Variants in STIM1 observed in about 807,000 individuals in gnomAD.
STIM1 encodes stromal interaction molecule 1.
STIM1 carries 25 observed loss-of-function variants against 74.7 expected under a neutral mutation model. That is an observed-to-expected ratio of 0.33 (90% CI 0.24 to 0.47). The LOEUF is 0.47. Ranked by LOEUF, STIM1 falls within the 20% of genes least tolerant of loss-of-function variation. The pLI, the probability that STIM1 is intolerant of heterozygous loss-of-function variation, is 1.00. For synonymous variants in STIM1, 328 were observed against 348.8 expected (o/e 0.94, Z 0.66); for missense variants, 728 against 920.8 (o/e 0.79, Z 2.71).
At chr11:3,966,909 C>G (rs1051102451) in intron 1 of STIM1, among the ~76,000 whole-genome samples, 5 of 152,134 alleles carry the variant, frequency 3.3e-5, no homozygotes, top group African/African-American at 1.2e-4. Flanking sequence ...GAAACTGTAT[C>G]CCAGACCACC....
intron 2 of STIM1, 81 bp from the exon 3 acceptor site, chr11:4,023,792 T>G: frequency 1.0e-6 from 1 of 975,108 alleles, no homozygotes; most frequent in Non-Finnish European, 1.6e-6. Context: ...TATGGCTAGC[T>G]AGAGGCAGGT....
rs893387615 is a variant in STIM1, at chr11:4,043,342, A to T, written c.386-12184A>T. ...CCAGGGTATATCTTTACTACCCAAG[A>T]TGCTAACTGGACACCAGTTTCTGGG... On this transcript the variant is annotated intron_variant, in intron 3 of 12. Coordinates refer to ENST00000526596, the MANE Select transcript of STIM1 (RefSeq NM_001382567.1). 3.9e-5 allele frequency among the ~76,000 whole-genome samples: 6 copies of T among 152,328 alleles called. No homozygotes were observed. The East Asian group carries it at 1.2e-3, about 29-fold the overall frequency.
At chr11:4,008,676 G>T (rs1347488786) in intron 2 of STIM1, among the ~76,000 whole-genome samples, 2 of 152,124 alleles carry the variant, frequency 1.3e-5, no homozygotes, top group Non-Finnish European at 2.9e-5. Context: ...CCATTTCATT[G>T]CATGGCACAC....
intron 1 of STIM1, among the ~76,000 whole-genome samples, chr11:3,964,274 G>A (rs529056821): frequency 2.0e-5 from 3 of 152,322 alleles, no homozygotes; most frequent in South Asian, 2.1e-4. Context: ...ATTGGAATGC[G>A]TAAGAGAAGG....
At chr11:4,000,148 T>C (rs1365703850) in intron 2 of STIM1, among the ~76,000 whole-genome samples, 1 of 151,312 alleles carries the variant, frequency 6.6e-6, no homozygotes, top group African/African-American at 2.4e-5. Flanking sequence ...GCTCCACCTC[T>C]GGGGGCAGGG....
At chr11:3,940,459 C>T (rs1391511936) in intron 1 of STIM1, among the ~76,000 whole-genome samples, 1 of 152,094 alleles carries the variant, frequency 6.6e-6, no homozygotes, top group African/African-American at 2.4e-5. Flanking sequence ...AGGCCATTGG[C>T]AAGTTAACAT....
chr11:3,873,221 G>A (rs373214088), intron 1 of STIM1, among the ~76,000 whole-genome samples: 14 of 152,062 alleles, frequency 9.2e-5, no homozygotes, highest in East Asian at 3.9e-4. Context: ...TTCGAGAGCA[G>A]CCTGACCAAC....
At position 4,009,307 on chromosome 11, in the gene STIM1, A is replaced by G. The variant is rs544000895; in HGVS notation, c.271-14566A>G. ...AAGAGTGTCTCAAAAAAAAAAAAAA[A>G]GTTGCATTTTAAAATTAATTTGTGG... is the stretch of plus-strand genomic sequence containing the variant. On this transcript the variant is annotated intron_variant, in intron 2 of 12. Coordinates refer to ENST00000526596, the MANE Select transcript of STIM1 (RefSeq NM_001382567.1). Among the ~76,000 whole-genome samples the G allele has an allele frequency of 4.3e-3, 601 of 140,186 alleles. 2 individuals are homozygous for G. Among genetic ancestry groups the G allele is most frequent in the African/African-American group, 0.015 (571 of 37,776 alleles). The allele number at this position is 140,186 out of a possible 152,430, so 92.0% of individuals were successfully genotyped here. A position where few individuals can be genotyped will look rare whatever the true frequency, so the allele number is the denominator to read the frequency against.
At chr11:3,883,222 A>T (rs919474733) in intron 1 of STIM1, among the ~76,000 whole-genome samples, 3 of 152,064 alleles carry the variant, frequency 2.0e-5, no homozygotes, top group Non-Finnish European at 4.4e-5. Flanking sequence ...TTGAAATTAT[A>T]ATTGTTCCTC....
intron 1 of STIM1, chr11:3,892,313 G>T (rs930413438): frequency 4.8e-6 from 4 of 832,468 alleles, no homozygotes; most frequent in Non-Finnish European, 8.0e-6. Flanking sequence ...GATACTGCGA[G>T]CAAATGGGGT....
chr11:3,895,693 T>C (rs1223402826), intron 1 of STIM1, among the ~76,000 whole-genome samples: 468 of 34,796 alleles, frequency 0.013, 36 homozygotes, highest in South Asian at 0.02. Flanking sequence ...CTTCTTTCTT[T>C]CTTTCTTTCT....
chr11:3,960,188 A>G (rs2093270628), intron 1 of STIM1, among the ~76,000 whole-genome samples: 1 of 152,240 alleles, frequency 6.6e-6, no homozygotes, highest in South Asian at 2.1e-4. Context: ...TCATTAGTTG[A>G]AAGAATACTT....
intron 2 of STIM1, among the ~76,000 whole-genome samples, chr11:3,988,828 T>C (rs2093581608): frequency 6.6e-6 from 1 of 152,214 alleles, no homozygotes; most frequent in Non-Finnish European, 1.5e-5. Context: ...CTCCATATTG[T>C]CATTTAATAT....
chr11:4,008,454 A>G (rs1176400227), intron 2 of STIM1, among the ~76,000 whole-genome samples: 1 of 152,244 alleles, frequency 6.6e-6, no homozygotes, highest in South Asian at 2.1e-4. Flanking sequence ...TCACAAAAAC[A>G]TCACCAAACT....
At chr11:4,066,914 C>T (rs1480978495) in intron 5 of STIM1, among the ~76,000 whole-genome samples, 2 of 152,146 alleles carry the variant, frequency 1.3e-5, no homozygotes, top group African/African-American at 2.4e-5. Context: ...TTTGCCTATT[C>T]TCTCCTCTTT....
At chr11:4,077,422 A>T (rs1335856311) in intron 7 of STIM1, among the ~76,000 whole-genome samples, 1 of 152,100 alleles carries the variant, frequency 6.6e-6, no homozygotes, top group African/African-American at 2.4e-5. Flanking sequence ...AACTAAAATG[A>T]TACTAGACAA....
At position 3,945,577 on chromosome 11, in the gene STIM1, C is replaced by T. The variant is rs561865602; in HGVS notation, c.140-21975C>T. 1.3e-4 allele frequency among the ~76,000 whole-genome samples: 20 copies of T among 152,016 alleles called. No individual in the cohort carries two copies. The South Asian group carries it at 1.5e-3, about 11-fold the overall frequency. ...TTGCACCACTGCACTCCAGCCTGGG[C>T]GACACAGTAAGACTCTGTCTCAAAA... On this transcript the variant is annotated intron_variant, in intron 1 of 12. Coordinates refer to ENST00000526596, the MANE Select transcript of STIM1 (RefSeq NM_001382567.1).
At chr11:4,014,281 T>G (rs1320130314) in intron 2 of STIM1, among the ~76,000 whole-genome samples, 1 of 152,222 alleles carries the variant, frequency 6.6e-6, no homozygotes, top group Non-Finnish European at 1.5e-5. Context: ...AAGAACATCT[T>G]TATTTCTGCC....
At chr11:4,030,872 C>T (rs2132922657) in intron 3 of STIM1, among the ~76,000 whole-genome samples, 1 of 152,328 alleles carries the variant, frequency 6.6e-6, no homozygotes, top group African/African-American at 2.4e-5. Flanking sequence ...ACTACCTTAG[C>T]TCAACTTCAT....
Sources: allele counts gnomAD v4.1 joint callset (sites outside exome capture counted in the v4.1 genomes callset), GRCh38; gene constraint gnomAD v4.1.1; transcripts MANE v1.5; gene names NCBI Gene and HGNC (gene_info 2026-07-23, HGNC 2026-07-21).